TMTC2: variants seen among roughly 807,000 people sequenced by gnomAD.
The protein encoded by TMTC2 is transmembrane O-mannosyltransferase targeting cadherins 2.
Under a neutral mutation model 82.4 loss-of-function variants are expected in TMTC2, and 43 were observed. That is an observed-to-expected ratio of 0.52 (90% CI 0.41 to 0.67). TMTC2 has a LOEUF of 0.67. Among genes scored for constraint, TMTC2 ranks in the 30% least tolerant of loss-of-function variants. The pLI is 0.00. For synonymous variants in TMTC2, 408 were observed against 381.9 expected, an observed-to-expected ratio of 1.07 and a Z score of -0.80; for missense variants, 919 against 1,012.4, an observed-to-expected ratio of 0.91 and a Z score of 1.25.
chr12:83,115,463 C>G (rs1884722542), intron 11 of TMTC2, among the ~76,000 whole-genome samples: 1 of 152,008 alleles, frequency 6.6e-6, no homozygotes, highest in Admixed American at 6.6e-5. Flanking sequence ...TTATTTTTAT[C>G]CTTTTTGTAT....
chr12:83,055,149 C>A (rs895892036), intron 10 of TMTC2, among the ~76,000 whole-genome samples: 1 of 152,102 alleles, frequency 6.6e-6, no homozygotes, highest in African/African-American at 2.4e-5. Context: ...TTCTCCTGGG[C>A]CTAGCTGCTT....
chr12:83,042,294 T>G (rs562122490), intron 9 of TMTC2, among the ~76,000 whole-genome samples: 89 of 152,178 alleles, frequency 5.8e-4, no homozygotes, highest in Non-Finnish European at 9.8e-4. Flanking sequence ...AAAATGTGTT[T>G]GAGTCCTCTT....
intron 2 of TMTC2, 38 bp from the exon 3 acceptor site, chr12:82,895,780 A>G (rs1472463179): frequency 6.4e-7 from 1 of 1,550,840 alleles, no homozygotes; most frequent in South Asian, 1.2e-5. Context: ...CTGTACTGAT[A>G]ATAATCTTAA....
chr12:82,988,589 T>A (rs1412854706), intron 8 of TMTC2, among the ~76,000 whole-genome samples: 1 of 151,082 alleles, frequency 6.6e-6, no homozygotes, highest in Non-Finnish European at 1.5e-5. Flanking sequence ...AGGAGGGGAG[T>A]GAAAAGAGGA....
In TMTC2 at chr12:82,997,370, A is replaced by ATATATATATGTG. The variant is rs1565845123; in HGVS notation, c.2070+11333_2070+11334insGTGTATATATAT. 1.1e-3 allele frequency among the ~76,000 whole-genome samples: 19 copies of ATATATATATGTG among 17,384 alleles called. 3 individuals are homozygous for ATATATATATGTG. Among genetic ancestry groups the ATATATATATGTG allele is most frequent in the Admixed American group, 5.1e-3 (6 of 1,170 alleles). 11.4% of individuals were successfully genotyped at this position (17,384 alleles called of 152,430 possible). On this transcript the variant is annotated intron_variant, in intron 8 of 11. Transcript: ENST00000321196. Reference sequence around the variant, plus strand: ...TGTGTATATATATATATATATGTGTATATATATATATGTGTATATATATAT... The same window carrying ATATATATATGTG: ...TGTGTATATATATATATATATGTGTATATATATATGTGTATATATATATGTGTATATATATAT...
At chr12:82,895,717 T>C (rs1873627792) in intron 2 of TMTC2, 101 bp from the exon 3 acceptor site, 2 of 1,085,664 alleles carry the variant, frequency 1.8e-6, no homozygotes, top group African/African-American at 3.2e-5. Context: ...TGCTGTGTTT[T>C]TAACGGTCCA....
At chr12:82,768,650 T>C (rs1744969588) in intron 1 of TMTC2, among the ~76,000 whole-genome samples, 1 of 152,120 alleles carries the variant, frequency 6.6e-6, no homozygotes, top group Non-Finnish European at 1.5e-5. Flanking sequence ...ATTCAATATA[T>C]ACAGGAGAAA....
intron 10 of TMTC2, among the ~76,000 whole-genome samples, chr12:83,056,609 T>A (rs1479926727): frequency 1.3e-5 from 2 of 151,966 alleles, no homozygotes; most frequent in Non-Finnish European, 2.9e-5. Flanking sequence ...TTGTGTGTGC[T>A]TACGTGTGTG....
chr12:82,902,464 A>C (rs1565801796), intron 3 of TMTC2, among the ~76,000 whole-genome samples: 1 of 152,200 alleles, frequency 6.6e-6, no homozygotes, highest in East Asian at 1.9e-4. Flanking sequence ...ACCCCAGTTC[A>C]CTGATGGTTC....
At chr12:82,961,930 T>C (rs1279907931) in intron 4 of TMTC2, among the ~76,000 whole-genome samples, 2 of 152,088 alleles carry the variant, frequency 1.3e-5, no homozygotes, top group African/African-American at 4.8e-5. Context: ...TCAGTCACAA[T>C]AGTCATCTAT....
intron 1 of TMTC2, among the ~76,000 whole-genome samples, chr12:82,707,980 C>T (rs550769465): frequency 3.3e-5 from 5 of 152,264 alleles, no homozygotes; most frequent in Middle Eastern, 6.8e-3. Flanking sequence ...CGTGCACAAG[C>T]ATGTGTTTGT....
Position 83,077,284 on chromosome 12 carries a change from G to A in TMTC2, c.2331+15453G>A, listed in dbSNP as rs143431849. On this transcript the variant is annotated intron_variant, in intron 11 of 11. Transcript: ENST00000321196. ...GAGTGGTGCCCGTGCTATGCCTGGA[G>A]GATAGGCACTTTCTTATCTCCAAAG... is the stretch of plus-strand genomic sequence containing the variant. 1.7e-3 allele frequency among the ~76,000 whole-genome samples: 263 copies of A among 152,264 alleles called. 6 individuals carry two copies. In the East Asian group the frequency reaches 0.041, roughly 24 times the overall value.
At chr12:83,088,713 C>T (rs1883744606) in intron 11 of TMTC2, among the ~76,000 whole-genome samples, 1 of 152,110 alleles carries the variant, frequency 6.6e-6, no homozygotes, top group Non-Finnish European at 1.5e-5. Context: ...CCAGTAATAA[C>T]ATCAAAGATC....
intron 3 of TMTC2, among the ~76,000 whole-genome samples, chr12:82,919,959 T>A (rs1203957580): frequency 6.6e-6 from 1 of 152,150 alleles, no homozygotes; most frequent in Non-Finnish European, 1.5e-5. Context: ...TATAGGCTTT[T>A]TCTAGCCTGA....
At chr12:82,849,514 C>G (rs1367896406) in intron 1 of TMTC2, among the ~76,000 whole-genome samples, 1 of 151,876 alleles carries the variant, frequency 6.6e-6, no homozygotes. Flanking sequence ...GATATAGGAG[C>G]AAAACCATAA....
At chr12:82,947,558 C>CT (rs2137273289) in intron 4 of TMTC2, among the ~76,000 whole-genome samples, 1 of 148,442 alleles carries the variant, frequency 6.7e-6, no homozygotes, top group Admixed American at 6.6e-5. Flanking sequence ...TCTCGATCTC[C>CT]TGACCTGGTG....
chr12:82,697,681 T>TGTCACCATCA (rs1398259296), intron 1 of TMTC2, among the ~76,000 whole-genome samples: 1 of 152,240 alleles, frequency 6.6e-6, no homozygotes, highest in Non-Finnish European at 1.5e-5. Flanking sequence ...TTAAATAATC[T>TGTCACCATCA]GTCACCATCA....
chr12:82,795,042 T>C (rs1021841930), intron 1 of TMTC2, among the ~76,000 whole-genome samples: 2 of 152,082 alleles, frequency 1.3e-5, no homozygotes, highest in Non-Finnish European at 2.9e-5. Flanking sequence ...TGGTGGCTCA[T>C]GCCTGTAATC....
chr12:82,932,695 A>T (rs944050099), intron 4 of TMTC2, among the ~76,000 whole-genome samples: 7 of 152,014 alleles, frequency 4.6e-5, no homozygotes, highest in Middle Eastern at 3.2e-3. Flanking sequence ...GCAGTATGGG[A>T]TATTACTTTT....
Sources: gnomAD v4.1 joint callset for allele counts (sites outside exome capture counted in the v4.1 genomes callset) on GRCh38, gnomAD v4.1.1 for gene constraint, MANE v1.5 for transcripts, NCBI Gene and HGNC (gene_info 2026-07-23, HGNC 2026-07-21) for gene names.